PFKFB3: variants seen among roughly 807,000 people sequenced by gnomAD.
The protein encoded by PFKFB3 is 6-phosphofructo-2-kinase/fructose-2,6-bisphosphatase 3.
In PFKFB3, 33 loss-of-function variants were observed where a neutral mutation model predicts 68.0. The observed-to-expected ratio is 0.49, with a 90% CI of 0.37 to 0.65. PFKFB3 has a LOEUF of 0.65. Among genes scored for constraint, PFKFB3 ranks in the 30% least tolerant of loss-of-function variants. PFKFB3 has a pLI of 0.00. For synonymous variants in PFKFB3, 315 were observed against 288.2 expected, an observed-to-expected ratio of 1.09 and a Z score of -0.94; for missense variants, 586 against 712.2, an observed-to-expected ratio of 0.82 and a Z score of 2.02.
downstream of PFKFB3, among the ~76,000 whole-genome samples, chr10:6,255,695 T>G (rs1846484914): frequency 6.6e-6 from 1 of 152,142 alleles, no homozygotes; most frequent in Non-Finnish European, 1.5e-5. Context: ...TGTGAAGGTG[T>G]GAGCGGGAAC....
intron 1 of PFKFB3, among the ~76,000 whole-genome samples, chr10:6,165,750 G>T (rs1011179438): frequency 6.6e-6 from 1 of 151,926 alleles, no homozygotes; most frequent in African/African-American, 2.4e-5. Context: ...AAACTCGTTT[G>T]TTGTAGATTA....
rs1255739304 is a variant in PFKFB3, at chr10:6,162,262, A to G, written c.16+17249A>G. Among the ~76,000 whole-genome samples the G allele has an allele frequency of 3.3e-5, 5 of 152,186 alleles. No homozygotes were observed. In the East Asian group the frequency reaches 7.7e-4, roughly 23 times the overall value. On this transcript the variant is annotated intron_variant, in intron 1 of 14. Transcript: ENST00000379789. ...AGTAATGTTCTGTGTGTTTAGTCAC[A>G]TTTTGTGTATCCATTCATCTGTTGT...
the PFKFB3 span, chr10:6,293,804 A>T: frequency 2.5e-6 from 1 of 399,670 alleles, no homozygotes; most frequent in Non-Finnish European, 5.1e-6. Context: ...CAGCCTGCAC[A>T]GTTTTCACCA....
chr10:6,198,514 G>A (rs958431470), upstream of PFKFB3, among the ~76,000 whole-genome samples: 2 of 152,092 alleles, frequency 1.3e-5, no homozygotes, highest in South Asian at 4.1e-4. Flanking sequence ...ACAGAGTCTC[G>A]CTCTGTCACT....
chr10:6,280,441 G>T, the PFKFB3 span, among the ~76,000 whole-genome samples: 4 of 152,228 alleles, frequency 2.6e-5, no homozygotes, highest in South Asian at 8.3e-4. Context: ...GTGGGAGGAA[G>T]TAGGACGGGC....
At chr10:6,159,368 C>T (rs78826552) in intron 1 of PFKFB3, among the ~76,000 whole-genome samples, 1,596 of 151,084 alleles carry the variant, frequency 0.011, 64 homozygotes, top group East Asian at 0.098. Flanking sequence ...GCACTCCAAC[C>T]TGGGTAACAG....
In PFKFB3 at chr10:6,228,224, T is replaced by G. The variant is rs761504324; in HGVS notation, c.1515+1859T>G. ...TTGCTAGGGCAAGCCTGTCTGTAAG[T>G]ATCTCTCCGATCATCGCTGCTGCTT... On this transcript the variant is annotated intron_variant, in intron 14 of 14. Transcript: ENST00000379775. This position sits in a 1 kb window ranked among gnomAD's most constrained non-coding sequence, Gnocchi z 4.5. 2 of 1,612,750 alleles carry G rather than the reference T, an allele frequency of 1.2e-6. No individual in the cohort carries two copies. The highest frequency in any genetic ancestry group is 1.7e-6 in the Non-Finnish European group (2 of 1,179,856).
the PFKFB3 span, among the ~76,000 whole-genome samples, chr10:6,278,526 C>T: frequency 2.0e-5 from 3 of 152,240 alleles, no homozygotes; most frequent in South Asian, 4.1e-4. Flanking sequence ...CTGCCCACCT[C>T]GGCCTCCCAA....
At chr10:6,179,548 G>T (rs1362481537) in intron 1 of PFKFB3, among the ~76,000 whole-genome samples, 1 of 152,188 alleles carries the variant, frequency 6.6e-6, no homozygotes, top group Non-Finnish European at 1.5e-5. Flanking sequence ...TGAACAGAAG[G>T]GTTTCTCTCC....
chr10:6,184,890 G>A (rs1057248023), intron 1 of PFKFB3, among the ~76,000 whole-genome samples: 3 of 151,826 alleles, frequency 2.0e-5, no homozygotes, highest in Admixed American at 1.3e-4. Context: ...CTACAGGCGT[G>A]AGCCAGCCTG....
chr10:6,249,169 C>T (rs145975520), intron 14 of PFKFB3, among the ~76,000 whole-genome samples: 6,301 of 134,942 alleles, frequency 0.047, 323 homozygotes, highest in South Asian at 0.15. Flanking sequence ...AGCAAAACTC[C>T]GTCTCAATTA....
chr10:6,217,815 A>C (rs771278176), intron 6 of PFKFB3, among the ~76,000 whole-genome samples: 1 of 152,210 alleles, frequency 6.6e-6, no homozygotes, highest in Non-Finnish European at 1.5e-5. Context: ...ATGGAGACTT[A>C]CTACAAGCTG....
the PFKFB3 span, among the ~76,000 whole-genome samples, chr10:6,307,737 A>G: frequency 6.6e-6 from 1 of 152,158 alleles, no homozygotes; most frequent in African/African-American, 2.4e-5. Flanking sequence ...TTGCAGATGC[A>G]TCCAGTGGGA....
chr10:6,197,688 TA>T (rs371141972), intron 1 of PFKFB3: 27 of 152,216 alleles, frequency 1.8e-4, no homozygotes, highest in Middle Eastern at 6.5e-3. Context: ...TGAATCCTCA[TA>T]AAGGTCTTCC....
chr10:6,213,483 C>A, intron 1 of PFKFB3, 140 bp from the exon 2 acceptor site: 1 of 946,118 alleles, frequency 1.1e-6, no homozygotes, highest in Non-Finnish European at 1.6e-6. Context: ...GGCCACCGTG[C>A]TCCCGCCTGG....
downstream of PFKFB3, among the ~76,000 whole-genome samples, chr10:6,258,185 A>ATT (rs1194488311): frequency 6.6e-6 from 1 of 150,654 alleles, no homozygotes; most frequent in South Asian, 2.1e-4. Context: ...TTTTGATCTT[A>ATT]TTTTTTTTTT....
intron 4 of PFKFB3, among the ~76,000 whole-genome samples, 156 bp from the exon 5 acceptor site, chr10:6,216,550 A>G (rs1208778719): frequency 6.6e-6 from 1 of 151,924 alleles, no homozygotes; most frequent in Non-Finnish European, 1.5e-5. Flanking sequence ...CCTCCTAAGC[A>G]CTCCCTGGAG....
chr10:6,146,209 CCA>C, intron 1 of PFKFB3: 1 of 1,425,300 alleles, frequency 7.0e-7, no homozygotes, highest in Non-Finnish European at 9.2e-7. Context: ...CCGCACCCAC[CCA>C]TCTGCCTCTC....
chr10:6,195,168 G>A lies in PFKFB3; in HGVS notation c.17-18455G>A, dbSNP rs570251160. 7.2e-5 allele frequency among the ~76,000 whole-genome samples: 11 copies of A among 152,244 alleles called. No individual in the cohort carries two copies. In the South Asian group the frequency reaches 1.5e-3, roughly 20 times the overall value. On this transcript the variant is annotated intron_variant, in intron 1 of 14. Transcript: ENST00000379789. ...ATTACAGGCGTGAGCCACTGCGCTC[G>A]CCTCCTGTTCCTTTTTCATCCACGC...
Sources: gnomAD v4.1 joint callset for allele counts (sites outside exome capture counted in the v4.1 genomes callset) on GRCh38, gnomAD v4.1.1 for gene constraint, Gnocchi (gnomAD v3.1) non-coding constraint, MANE v1.5 for transcripts, NCBI Gene and HGNC (gene_info 2026-07-23, HGNC 2026-07-21) for gene names.